Variants in SLC1A1 observed in about 807,000 individuals in gnomAD.
The protein encoded by SLC1A1 is solute carrier family 1 member 1.
Under a neutral mutation model 53.3 loss-of-function variants are expected in SLC1A1, and 43 were observed. The observed-to-expected ratio is 0.81, with a 90% confidence interval of 0.63 to 1.04. The LOEUF (loss-of-function observed/expected upper bound fraction) is 1.04. Among genes scored for constraint, SLC1A1 ranks in the 50% least tolerant of loss-of-function variants. The pLI is 0.00. For synonymous variants in SLC1A1, 307 were observed against 243.2 expected, an observed-to-expected ratio of 1.26 and a Z score of -2.44; for missense variants, 748 against 664.9, an observed-to-expected ratio of 1.12 and a Z score of -1.37.
At chr9:4,532,892 G>C (rs1408490800) in intron 1 of SLC1A1, among the ~76,000 whole-genome samples, 1 of 152,186 alleles carries the variant, frequency 6.6e-6, no homozygotes, top group African/African-American at 2.4e-5. Flanking sequence ...AGCCAGAAGA[G>C]AGTGGGGGCC....
Position 4,572,224 on chromosome 9 carries a change from A to T in SLC1A1, c.603A>T (p.Lys201Asn), listed in dbSNP as rs1820123319. The change falls in exon 7 of 12, where the codon AAA becomes AAT. Residue 201 changes from lysine (K) to asparagine (N), a missense_variant. Lys to Asn is a moderately conservative substitution (Grantham distance 94, BLOSUM62 0). Transcript: ENST00000262352. Reference sequence around the variant, plus strand: ...CACAGAACAAAACAAAGGAATACAAAATTGTTGGCATGTATTCAGATGGCA... The same window carrying T: ...CACAGAACAAAACAAAGGAATACAATATTGTTGGCATGTATTCAGATGGCA... ...AISKNKTKEY[K>N]IVGMYSDGIN... 2 of 1,613,410 alleles carry T rather than the reference A, an allele frequency of 1.2e-6. No individual in the cohort carries two copies. Among genetic ancestry groups the T allele is most frequent in the Non-Finnish European group, 1.7e-6 (2 of 1,179,312 alleles).
At chr9:4,544,807 T>G (rs1446513539) in intron 2 of SLC1A1, 100 bp downstream of exon 2, 8 of 1,010,348 alleles carry the variant, frequency 7.9e-6, no homozygotes, top group Non-Finnish European at 6.1e-6. Context: ...GAGGTTTAAT[T>G]GACTCACAGT....
chr9:4,559,675 T>C (rs1331319516), intron 2 of SLC1A1: 1 of 152,216 alleles, frequency 6.6e-6, no homozygotes, highest in Non-Finnish European at 1.5e-5. Flanking sequence ...TTTTTCCTGC[T>C]ACCCTGTACC....
chr9:4,535,142 T>G (rs961533847), intron 1 of SLC1A1, among the ~76,000 whole-genome samples: 3 of 152,146 alleles, frequency 2.0e-5, no homozygotes, highest in Non-Finnish European at 2.9e-5. Context: ...CTTTGAAAAT[T>G]GGCACAAGAC....
rs748845703 is a variant in SLC1A1, at chr9:4,583,350, C to T, written c.1328+178C>T. Among the ~76,000 whole-genome samples the T allele has an allele frequency of 3.9e-5, 6 of 152,292 alleles. No homozygotes were observed. Among genetic ancestry groups the T allele is most frequent in the African/African-American group, 4.8e-5 (2 of 41,566 alleles). On this transcript the variant is annotated intron_variant, in intron 11 of 11. Transcript: ENST00000262352. The surrounding 1 kb of genome is among the most constrained non-coding windows in gnomAD (Gnocchi z 4.6). ...ATGCCTAAAAATTAACTCCTCATAA[C>T]GTGGAGCAGTGATTTTAAAAAGCCG...
intron 2 of SLC1A1, among the ~76,000 whole-genome samples, chr9:4,560,729 A>T (rs993918082): frequency 1.3e-5 from 2 of 151,790 alleles, no homozygotes; most frequent in African/African-American, 4.8e-5. Context: ...GGACATGATG[A>T]CTCACACCTG....
In SLC1A1 at chr9:4,583,099, A is replaced by G; in HGVS notation, c.1255A>G (p.Met419Val). The G allele has an allele frequency of 1.2e-6, 2 of 1,614,212 alleles. No homozygotes were observed. The highest frequency in any genetic ancestry group is 1.7e-6 in the Non-Finnish European group (2 of 1,180,030). Reference sequence around the variant, plus strand: ...CGTGCCCCAGGCTGGCCTGGTGACCATGGTGATTGTGCTGAGTGCCGTGGG... The same window carrying G: ...CGTGCCCCAGGCTGGCCTGGTGACCGTGGTGATTGTGCTGAGTGCCGTGGG... ...AGVPQAGLVT[M>V]VIVLSAVGLP... Residue 419 changes from methionine to valine, a missense_variant, in exon 11 of 12, where the codon ATG becomes GTG. Met to Val is a conservative substitution (Grantham distance 21). Transcript: ENST00000262352. This position sits in a 1 kb window ranked among gnomAD's most constrained non-coding sequence, Gnocchi z 4.6.
intron 2 of SLC1A1, among the ~76,000 whole-genome samples, chr9:4,551,748 C>G (rs1267488188): frequency 6.6e-6 from 1 of 152,164 alleles, no homozygotes; most frequent in Non-Finnish European, 1.5e-5. Context: ...AACTTCTTGC[C>G]TCATTTGCAA....
At chr9:4,505,311 A>C (rs1820768622) in intron 1 of SLC1A1, among the ~76,000 whole-genome samples, 1 of 152,070 alleles carries the variant, frequency 6.6e-6, no homozygotes, top group Admixed American at 6.5e-5. Context: ...GGCCTCCCAA[A>C]GAGCTGGGAT....
Position 4,572,350 on chromosome 9 carries a change from G to A in SLC1A1, c.729G>A (p.Leu243=). 1 of 1,614,136 alleles carries A rather than the reference G, an allele frequency of 6.2e-7. No individual in the cohort carries two copies. Among genetic ancestry groups the A allele is most frequent in the Non-Finnish European group, 8.5e-7 (1 of 1,179,996 alleles). ...TTCTGGTGGATTTCTTCAATGCTTTGAGTGATGCAACCATGAAAATCGTTC... is the reference window on the plus strand; with the variant it reads ...TTCTGGTGGATTTCTTCAATGCTTTAAGTGATGCAACCATGAAAATCGTTC... ...GQILVDFFNA[L]SDATMKIVQI... is the part of the protein sequence containing the mutation. The change falls in exon 7 of 12, where the codon TTG becomes TTA. Residue 243 remains leucine (L), a synonymous_variant. Transcript: ENST00000262352.
intron 1 of SLC1A1, among the ~76,000 whole-genome samples, chr9:4,509,401 G>T (rs138847308): frequency 2.1e-4 from 32 of 152,190 alleles, no homozygotes; most frequent in African/African-American, 7.7e-4. Context: ...GAGGCACCCA[G>T]GGATGAATAA....
chr9:4,535,382 C>T (rs1251393343), intron 1 of SLC1A1, among the ~76,000 whole-genome samples: 1 of 151,864 alleles, frequency 6.6e-6, no homozygotes, highest in Non-Finnish European at 1.5e-5. Context: ...AATCAATGTG[C>T]AAAAAATCAC....
intron 1 of SLC1A1, among the ~76,000 whole-genome samples, chr9:4,505,045 C>CTT (rs3038189): frequency 0.064 from 7,390 of 114,860 alleles, 946 homozygotes; most frequent in African/African-American, 0.22. Flanking sequence ...ACATATATTT[C>CTT]TTTTTTTTTT....
At position 4,580,601 on chromosome 9, in the gene SLC1A1, A is replaced by ATGTGTGTGTGTG. The variant is rs71326118; in HGVS notation, c.1194-2397_1194-2386dup. 6.0e-3 allele frequency among the ~76,000 whole-genome samples: 419 copies of ATGTGTGTGTGTG among 69,650 alleles called. 7 individuals are homozygous for ATGTGTGTGTGTG. Among genetic ancestry groups the ATGTGTGTGTGTG allele is most frequent in the Middle Eastern group, 8.2e-3 (1 of 122 alleles). The allele number at this position is 69,650 out of a possible 152,430, so 45.7% of individuals were successfully genotyped here. On this transcript the variant is annotated intron_variant, in intron 10 of 11. Transcript: ENST00000262352. ...GTCTCTGGAAAAAAAAAAAATATAT[A>ATGTGTGTGTGTG]TGTGTGTGTGTGTGTGTGTGTGTGT...
At chr9:4,555,990 ATTTT>A (rs71326117) in intron 2 of SLC1A1, among the ~76,000 whole-genome samples, 1 of 141,934 alleles carries the variant, frequency 7.0e-6, no homozygotes, top group African/African-American at 2.6e-5. Flanking sequence ...TACTAGCCCT[ATTTT>A]TTTTTTTTTT....
chr9:4,551,216 C>CT (rs1260704323), intron 2 of SLC1A1, among the ~76,000 whole-genome samples: 4 of 151,922 alleles, frequency 2.6e-5, no homozygotes, highest in African/African-American at 9.7e-5. Flanking sequence ...CTGAGGAAGG[C>CT]TTTTTTTTAA....
At chr9:4,561,684 G>A in intron 3 of SLC1A1, 143 bp downstream of exon 3, 1 of 719,044 alleles carries the variant, frequency 1.4e-6, no homozygotes, top group Non-Finnish European at 2.5e-6. Flanking sequence ...TTGAGGTCAG[G>A]GGTTTGAGAC....
intron 6 of SLC1A1, among the ~76,000 whole-genome samples, chr9:4,569,849 T>C (rs773130076): frequency 1.1e-4 from 16 of 152,318 alleles, no homozygotes; most frequent in Non-Finnish European, 2.2e-4. Context: ...GCACCCTCTA[T>C]ACCCCAGGCC....
intron 2 of SLC1A1, among the ~76,000 whole-genome samples, chr9:4,545,187 A>ACGTCTCTCTCTCTCTCTCTC (rs1482539598): frequency 2.0e-3 from 96 of 49,024 alleles, no homozygotes; most frequent in African/African-American, 5.8e-3. Context: ...AATACATTAG[A>ACGTCTCTCTCTCTCTCTCTC]TGTCTCTCTC....
Sources: gnomAD v4.1 joint callset for allele counts (sites outside exome capture counted in the v4.1 genomes callset) on GRCh38, gnomAD v4.1.1 for gene constraint, Gnocchi (gnomAD v3.1) non-coding constraint, MANE v1.5 for transcripts, NCBI Gene and HGNC (gene_info 2026-07-23, HGNC 2026-07-21) for gene names.